VPS13D: variants seen among roughly 807,000 people sequenced by gnomAD.
The protein encoded by VPS13D is intermembrane lipid transfer protein VPS13D.
In VPS13D, 187 loss-of-function variants were observed where a neutral mutation model predicts 461.9. The observed-to-expected ratio is 0.40, with a 90% confidence interval of 0.36 to 0.46. The LOEUF is 0.46. VPS13D is among the 20% of genes least tolerant of loss of function. VPS13D has a pLI of 0.60. For missense variants in VPS13D, 4,711 were observed against 5,364.9 expected, an observed-to-expected ratio of 0.88 and a Z score of 3.81; for synonymous variants, 1,951 against 1,986.3, an observed-to-expected ratio of 0.98 and a Z score of 0.47.
Position 12,311,639 on chromosome 1 carries a change from T to G in VPS13D, c.6822+14T>G. On this transcript the variant is annotated intron_variant, in intron 28 of 69. Transcript: ENST00000620676. ...CCAAGAATTCATGTGAGTGAGACCT[T>G]ATGTTCTTCTGTCACTCTCATAGTC... is the stretch of plus-strand genomic sequence containing the variant. 6 of 1,613,450 alleles carry G rather than the reference T, an allele frequency of 3.7e-6. No individual in the cohort carries two copies. The highest frequency in any genetic ancestry group is 5.1e-6 in the Non-Finnish European group (6 of 1,179,620).
intron 35 of VPS13D, among the ~76,000 whole-genome samples, chr1:12,325,616 T>G (rs562213740): frequency 6.6e-6 from 1 of 152,316 alleles, no homozygotes; most frequent in Admixed American, 6.5e-5. Context: ...ATGCACACAT[T>G]ACATTTTTAA....
intron 52 of VPS13D, among the ~76,000 whole-genome samples, chr1:12,365,488 G>T (rs1644021353): frequency 6.6e-6 from 1 of 152,006 alleles, no homozygotes; most frequent in African/African-American, 2.4e-5. Flanking sequence ...GGCGGATCAC[G>T]AGGTCAGGAG....
intron 1 of VPS13D, among the ~76,000 whole-genome samples, chr1:12,232,862 G>A (rs1197502143): frequency 6.6e-6 from 1 of 151,428 alleles, no homozygotes; most frequent in East Asian, 1.9e-4. Context: ...AAGCACTGTC[G>A]CCTCTCTCCC....
At chr1:12,499,396 G>A (rs1285492300) in intron 68 of VPS13D, 22 of 908,190 alleles carry the variant, frequency 2.4e-5, no homozygotes, top group Middle Eastern at 5.6e-4. Context: ...ATAAATTATT[G>A]CATGTTTTCT....
intron 60 of VPS13D, among the ~76,000 whole-genome samples, chr1:12,398,739 C>T (rs969906311): frequency 2.6e-5 from 4 of 152,180 alleles, no homozygotes; most frequent in Non-Finnish European, 5.9e-5. Flanking sequence ...TTAATCGTTT[C>T]GTTCCCGAGA....
intron 1 of VPS13D, 109 bp from the exon 2 acceptor site, chr1:12,234,082 A>G (rs1032392202): frequency 9.0e-5 from 45 of 499,426 alleles, no homozygotes; most frequent in African/African-American, 7.1e-4. Flanking sequence ...ACAAAACCCA[A>G]CAAAACATCT....
At chr1:12,245,059 T>C (rs1343702238) in intron 5 of VPS13D, among the ~76,000 whole-genome samples, 1 of 152,178 alleles carries the variant, frequency 6.6e-6, no homozygotes, top group Non-Finnish European at 1.5e-5. Context: ...GGTTACATAG[T>C]GAGTTGTGAA....
chr1:12,262,953 C>T (rs1641158972), intron 13 of VPS13D, among the ~76,000 whole-genome samples: 9 of 152,140 alleles, frequency 5.9e-5, no homozygotes, highest in Admixed American at 3.9e-4. Flanking sequence ...ATCTGTCCTC[C>T]TCGGGTTCCC....
At chr1:12,456,757 G>A (rs777989854) in intron 66 of VPS13D, among the ~76,000 whole-genome samples, 4 of 151,962 alleles carry the variant, frequency 2.6e-5, no homozygotes, top group African/African-American at 4.8e-5. Context: ...TACGACAGCC[G>A]GTGAGAACTC....
chr1:12,382,899 G>T, intron 57 of VPS13D, 77 bp from the exon 58 acceptor site: 2 of 1,368,084 alleles, frequency 1.5e-6, no homozygotes, highest in Non-Finnish European at 2.0e-6. Context: ...TTAGGAACTT[G>T]TTTGAAATGA....
Position 12,388,825 on chromosome 1 carries a change from A to G in VPS13D, c.11634+2491A>G, listed in dbSNP as rs540922536. 2.0e-5 allele frequency among the ~76,000 whole-genome samples: 3 copies of G among 152,336 alleles called. No homozygotes were observed. The South Asian group carries it at 6.2e-4, about 32-fold the overall frequency. Reference sequence around the variant, plus strand: ...CAAGAAACACACATTAAGGATAAAGACACAAATAGGTTAAAAGGAAAGAAG... The same window carrying G: ...CAAGAAACACACATTAAGGATAAAGGCACAAATAGGTTAAAAGGAAAGAAG... On this transcript the variant is annotated intron_variant, in intron 60 of 69. Coordinates refer to ENST00000620676, the MANE Select transcript of VPS13D (RefSeq NM_015378.4).
intron 2 of VPS13D, 152 bp downstream of exon 2, chr1:12,234,515 C>T: frequency 3.8e-6 from 2 of 531,170 alleles, no homozygotes; most frequent in East Asian, 2.9e-5. Flanking sequence ...ATGATTTTTC[C>T]AGAGTAACTT....
intron 8 of VPS13D, among the ~76,000 whole-genome samples, chr1:12,256,744 A>G (rs917220652): frequency 2.2e-5 from 3 of 139,286 alleles, no homozygotes; most frequent in African/African-American, 8.2e-5. Flanking sequence ...AAAGGAGGCT[A>G]GTTTTGTTTT....
rs956755210 is a variant in VPS13D, at chr1:12,495,678, G to A, written c.12663-1822G>A. 2.6e-5 allele frequency among the ~76,000 whole-genome samples: 4 copies of A among 152,178 alleles called. No individual in the cohort carries two copies. The highest frequency in any genetic ancestry group is 7.2e-5 in the African/African-American group (3 of 41,436). On this transcript the variant is annotated intron_variant, in intron 67 of 69. Transcript: ENST00000620676. This position sits in a 1 kb window ranked among gnomAD's most constrained non-coding sequence, Gnocchi z 4.0. ...GATTGGGGAAGATATGTTGAGACGAGTCTGAATCAAACCTTACGTTGAAAG... is the reference window on the plus strand; with the variant it reads ...GATTGGGGAAGATATGTTGAGACGAATCTGAATCAAACCTTACGTTGAAAG...
chr1:12,328,029 A>G (rs1569918683), intron 36 of VPS13D, among the ~76,000 whole-genome samples, 175 bp downstream of exon 36: 1 of 152,094 alleles, frequency 6.6e-6, no homozygotes, highest in Non-Finnish European at 1.5e-5. Flanking sequence ...TTTATTTGCC[A>G]TATGTGGCCT....
At chr1:12,460,737 A>G (rs1436495610) in intron 67 of VPS13D, among the ~76,000 whole-genome samples, 2 of 152,082 alleles carry the variant, frequency 1.3e-5, no homozygotes, top group Non-Finnish European at 2.9e-5. Context: ...AACTGTTAGA[A>G]GCTTCTTCTG....
Position 12,282,829 on chromosome 1 carries a change from C to T in VPS13D, c.4727C>T (p.Pro1576Leu), listed in dbSNP as rs745601161. 8 of 1,614,176 alleles carry T rather than the reference C, an allele frequency of 5.0e-6. No individual in the cohort carries two copies. Among genetic ancestry groups the T allele is most frequent in the Non-Finnish European group, 6.8e-6 (8 of 1,180,036 alleles). Residue 1576 changes from proline to leucine, a missense_variant, in exon 21 of 70, where the codon CCT (proline) becomes CTT (leucine). Transcript: ENST00000620676. ...TSSPCPDSPL[P>L]PLSTCGESSV... ...TCCCCTTGCCCTGATTCTCCTCTGC[C>T]TCCCCTCAGTACCTGTGGAGAATCT...
At chr1:12,379,362 C>T (rs1644242109) in intron 56 of VPS13D, 126 bp from the exon 57 acceptor site, 2 of 751,822 alleles carry the variant, frequency 2.7e-6, no homozygotes, top group South Asian at 3.9e-5. Flanking sequence ...AGCTAACTAC[C>T]CATTCAGTTT....
At chr1:12,467,668 A>G (rs1645506666) in intron 67 of VPS13D, among the ~76,000 whole-genome samples, 1 of 152,226 alleles carries the variant, frequency 6.6e-6, no homozygotes, top group Non-Finnish European at 1.5e-5. Flanking sequence ...ACTTATGGAA[A>G]GCTCAGATCT....
Sources: allele counts gnomAD v4.1 joint callset (sites outside exome capture counted in the v4.1 genomes callset), GRCh38; gene constraint gnomAD v4.1.1; non-coding constraint Gnocchi (gnomAD v3.1); transcripts MANE v1.5; gene names NCBI Gene and HGNC (gene_info 2026-07-23, HGNC 2026-07-21).